SCFD2: variants seen among roughly 807,000 people sequenced by gnomAD.
SCFD2 encodes sec1 family domain-containing protein 2.
SCFD2 carries 54 observed loss-of-function variants against 58.9 expected under a neutral mutation model. That is an observed-to-expected ratio of 0.92 (90% confidence interval 0.74 to 1.15). The LOEUF (loss-of-function observed/expected upper bound fraction) is 1.15, where lower values mean the gene tolerates loss of function less well. Ranked by LOEUF, SCFD2 falls within the 50% of genes most tolerant of loss-of-function variation. SCFD2 has a pLI of 0.00. For missense variants in SCFD2, 805 were observed against 836.6 expected, an observed-to-expected ratio of 0.96 and a Z score of 0.47; for synonymous variants, 321 against 335.9, an observed-to-expected ratio of 0.96 and a Z score of 0.49.
At chr4:53,310,296 T>C (rs1209430827) in intron 3 of SCFD2, among the ~76,000 whole-genome samples, 1 of 152,234 alleles carries the variant, frequency 6.6e-6, no homozygotes, top group Non-Finnish European at 1.5e-5. Flanking sequence ...GATATCTGTT[T>C]TACTTTGGCT....
chr4:52,998,425 C>T (rs1056187531), intron 5 of SCFD2, among the ~76,000 whole-genome samples: 1 of 152,134 alleles, frequency 6.6e-6, no homozygotes, highest in African/African-American at 2.4e-5. Flanking sequence ...GGTACCATGG[C>T]CAACTGCATA....
At chr4:53,246,265 C>A (rs781351462) in intron 4 of SCFD2, among the ~76,000 whole-genome samples, 1 of 152,184 alleles carries the variant, frequency 6.6e-6, no homozygotes, top group Non-Finnish European at 1.5e-5. Context: ...AATGGGTATA[C>A]TGCCCAAAGC....
chr4:53,228,197 G>A (rs779705565), intron 4 of SCFD2, among the ~76,000 whole-genome samples: 6 of 152,152 alleles, frequency 3.9e-5, no homozygotes, highest in Non-Finnish European at 5.9e-5. Flanking sequence ...TAGATGGGGT[G>A]GTAGTGGGGA....
intron 5 of SCFD2, among the ~76,000 whole-genome samples, chr4:53,071,975 A>G (rs1409524191): frequency 6.6e-6 from 1 of 152,148 alleles, no homozygotes. Context: ...TTAATGTGCA[A>G]TGCTTCACTA....
At chr4:53,102,164 C>T (rs189213060) in intron 5 of SCFD2, among the ~76,000 whole-genome samples, 15 of 152,178 alleles carry the variant, frequency 9.9e-5, no homozygotes, top group South Asian at 2.1e-4. Context: ...GCTGGGGCAG[C>T]AAAGAACATT....
At chr4:53,328,768 C>G (rs1254430160) in intron 2 of SCFD2, among the ~76,000 whole-genome samples, 1 of 152,138 alleles carries the variant, frequency 6.6e-6, no homozygotes, top group Admixed American at 6.5e-5. Context: ...GGAACAGCTC[C>G]GGTCTACAGC....
intron 5 of SCFD2, among the ~76,000 whole-genome samples, chr4:52,925,355 C>CATATAT (rs35698588): frequency 1.9e-4 from 27 of 142,924 alleles, no homozygotes; most frequent in African/African-American, 7.1e-4. Context: ...TATATATATA[C>CATATAT]ATATATATAT....
At chr4:53,137,333 A>G (rs1268835682) in intron 5 of SCFD2, among the ~76,000 whole-genome samples, 1 of 152,238 alleles carries the variant, frequency 6.6e-6, no homozygotes, top group African/African-American at 2.4e-5. Context: ...TTCTCCCTGG[A>G]GGGGAAGCAT....
At chr4:53,350,859 G>A (rs192221597) in intron 2 of SCFD2, among the ~76,000 whole-genome samples, 96 of 152,250 alleles carry the variant, frequency 6.3e-4, no homozygotes, top group African/African-American at 2.2e-3. Flanking sequence ...ACAGGCACCT[G>A]CCACCATGCC....
intron 2 of SCFD2, among the ~76,000 whole-genome samples, chr4:53,343,745 C>T (rs185834768): frequency 1.8e-4 from 28 of 152,276 alleles, no homozygotes; most frequent in Admixed American, 1.3e-3. Flanking sequence ...CATCAAAAAG[C>T]TTATCCACCA....
intron 6 of SCFD2, among the ~76,000 whole-genome samples, chr4:52,911,606 A>G (rs144209630): frequency 6.6e-6 from 1 of 152,362 alleles, no homozygotes; most frequent in East Asian, 1.9e-4. Context: ...AACACATCAC[A>G]TAATCCAGGA....
At chr4:53,238,690 G>C (rs1308345266) in intron 4 of SCFD2, among the ~76,000 whole-genome samples, 1 of 151,404 alleles carries the variant, frequency 6.6e-6, no homozygotes, top group Non-Finnish European at 1.5e-5. Context: ...ACGGGGTTGC[G>C]GCCGGGCAGA....
chr4:53,080,584 G>C (rs778238202), intron 5 of SCFD2, among the ~76,000 whole-genome samples: 2 of 152,098 alleles, frequency 1.3e-5, no homozygotes, highest in East Asian at 1.9e-4. Context: ...GATAAGCAGG[G>C]AGCACACCTT....
intron 5 of SCFD2, chr4:52,957,178 C>G (rs528362340): frequency 6.6e-6 from 1 of 152,058 alleles, no homozygotes; most frequent in African/African-American, 2.4e-5. Flanking sequence ...AAAAAAAGAA[C>G]GCAGTCTGGT....
chr4:53,081,976 C>T (rs1228884934), intron 5 of SCFD2, among the ~76,000 whole-genome samples: 1 of 152,072 alleles, frequency 6.6e-6, no homozygotes, highest in Non-Finnish European at 1.5e-5. Flanking sequence ...TTATGTGTGG[C>T]TTCTTTAATG....
chr4:53,164,321 C>T (rs1305679225), intron 4 of SCFD2, among the ~76,000 whole-genome samples: 1 of 152,134 alleles, frequency 6.6e-6, no homozygotes, highest in Non-Finnish European at 1.5e-5. Flanking sequence ...TGCACTGCCT[C>T]ACCCCTACAC....
chr4:53,021,616 C>T (rs367984782), intron 5 of SCFD2, among the ~76,000 whole-genome samples: 28 of 152,000 alleles, frequency 1.8e-4, no homozygotes, highest in Middle Eastern at 3.4e-3. Context: ...AGGGGCGCAG[C>T]GGCAAGTCAA....
intron 4 of SCFD2, among the ~76,000 whole-genome samples, chr4:53,245,510 CAT>C (rs1730039822): frequency 6.6e-6 from 1 of 152,168 alleles, no homozygotes; most frequent in Non-Finnish European, 1.5e-5. Context: ...GAAAAAACCA[CAT>C]GATCATCTCA....
chr4:53,030,383 C>T (rs958647372), intron 5 of SCFD2, among the ~76,000 whole-genome samples: 2 of 151,066 alleles, frequency 1.3e-5, no homozygotes, highest in Admixed American at 1.3e-4. Context: ...TTATATTGCA[C>T]ATGAGAATGC....
Sources: allele counts gnomAD v4.1 joint callset (sites outside exome capture counted in the v4.1 genomes callset), GRCh38; gene constraint gnomAD v4.1.1; transcripts MANE v1.5; gene names NCBI Gene and HGNC (gene_info 2026-07-23, HGNC 2026-07-21).